FBXW10: variants seen among roughly 807,000 people sequenced by gnomAD.
FBXW10 encodes F-box and WD repeat domain containing 10.
A neutral mutation model predicts 113.1 loss-of-function variants in FBXW10; 68 were observed. The observed-to-expected ratio is 0.60, with a 90% CI of 0.49 to 0.74. FBXW10 has a LOEUF of 0.74. Among genes scored for constraint, FBXW10 ranks in the 30% least tolerant of loss-of-function variants. The pLI, the probability that FBXW10 is intolerant of heterozygous loss-of-function variation, is 0.00. For synonymous variants in FBXW10, 289 were observed against 481.6 expected (o/e 0.60, Z 5.24); for missense variants, 753 against 1,284.5 (o/e 0.59, Z 6.32).
intron 1 of FBXW10, among the ~76,000 whole-genome samples, chr17:18,747,054 A>T (rs1208323503): frequency 6.6e-6 from 1 of 151,418 alleles, no homozygotes; most frequent in Non-Finnish European, 1.5e-5. Flanking sequence ...CCTCCCGAGT[A>T]GCTGGGACTA....
intron 12 of FBXW10, 71 bp from the exon 13 acceptor site, chr17:18,775,065 A>C: frequency 1.0e-6 from 1 of 975,886 alleles, no homozygotes; most frequent in Non-Finnish European, 1.6e-6. Context: ...CCCCATTATT[A>C]TTGATTATAT....
chr17:18,777,431 G>A (rs1463099309), intron 13 of FBXW10, among the ~76,000 whole-genome samples: 3 of 151,948 alleles, frequency 2.0e-5, no homozygotes, highest in Non-Finnish European at 4.4e-5. Flanking sequence ...ATAAGGTAAA[G>A]ATCAAATTTT....
chr17:18,752,768 A>G (rs982048196), intron 5 of FBXW10, among the ~76,000 whole-genome samples: 5 of 151,940 alleles, frequency 3.3e-5, no homozygotes, highest in African/African-American at 1.2e-4. Flanking sequence ...GCAGTTTTTC[A>G]TTTCTGAGCT....
intron 7 of FBXW10, 43 bp downstream of exon 7, chr17:18,758,548 C>A (rs1180845807): frequency 6.2e-7 from 1 of 1,610,034 alleles, no homozygotes; most frequent in South Asian, 1.1e-5. Context: ...CCACCTAGGG[C>A]CTAGAGGCAG....
At chr17:18,769,086 C>T (rs1264582601) in intron 10 of FBXW10, among the ~76,000 whole-genome samples, 1 of 151,730 alleles carries the variant, frequency 6.6e-6, no homozygotes, top group Non-Finnish European at 1.5e-5. Context: ...CAGGCGCCCA[C>T]CACCACACCC....
At position 18,778,557 on chromosome 17, in the gene FBXW10, G is replaced by A. The variant is rs202063654; in HGVS notation, c.2418G>A (p.Trp806Ter). ...CCAGTCACCCAAAGAAAAAGTCTTG[G>A]AAAATCCCTATGTCACCTGACCAAT... ...KLPSHPKKKS[W>*]KIPMSPDQFL... is the part of the protein sequence containing the mutation. The change falls in exon 14 of 14, where the codon TGG becomes TGA. Residue 806 changes from tryptophan to a stop codon, truncating the protein, a stop_gained. Coordinates refer to ENST00000395665, the MANE Select transcript of FBXW10 (RefSeq NM_001267585.2). LOFTEE classifies it high-confidence loss of function. 6 of 1,613,854 alleles carry A rather than the reference G, an allele frequency of 3.7e-6. No individual in the cohort carries two copies. Among genetic ancestry groups the A allele is most frequent in the Non-Finnish European group, 5.1e-6 (6 of 1,179,782 alleles).
At chr17:18,752,080 A>G (rs1452499971) in intron 5 of FBXW10, among the ~76,000 whole-genome samples, 1 of 152,198 alleles carries the variant, frequency 6.6e-6, no homozygotes, top group Non-Finnish European at 1.5e-5. Context: ...TAAGGCAGCT[A>G]TGTTAAATTA....
Position 18,756,146 on chromosome 17 carries a change from C to T in FBXW10, c.1224C>T (p.Leu408=). ...VFCGTYNVRI[L]SDTWDQNRVI... ...GTGGGACCTACAATGTTCGCATTCT[C>T]TCTGACACGTAGGTACTGGGGTCAG... The change falls in exon 6 of 14, where the codon CTC becomes CTT. Residue 408 remains leucine, a synonymous_variant. Coordinates refer to ENST00000395665, the MANE Select transcript of FBXW10 (RefSeq NM_001267585.2). The T allele has an allele frequency of 1.2e-6, 2 of 1,613,688 alleles. No individual in the cohort carries two copies. Among genetic ancestry groups the T allele is most frequent in the Non-Finnish European group, 1.7e-6 (2 of 1,179,734 alleles).
rs562455960 is a variant in FBXW10 at position 18,756,157 on chromosome 17, A to T, written c.1232+3A>T. On this transcript the variant is annotated splice_donor_region_variant and intron_variant, in intron 6 of 13. Transcript: ENST00000395665. ...AATGTTCGCATTCTCTCTGACACGT[A>T]GGTACTGGGGTCAGAATCTGGGTCT... is the stretch of plus-strand genomic sequence containing the variant. The T allele has an allele frequency of 1.8e-5, 29 of 1,611,732 alleles. No homozygotes were observed. Among genetic ancestry groups the T allele is most frequent in the Non-Finnish European group, 3.4e-6 (4 of 1,178,252 alleles).
intron 13 of FBXW10, among the ~76,000 whole-genome samples, chr17:18,778,202 G>A (rs1170576703): frequency 6.6e-6 from 1 of 152,208 alleles, no homozygotes; most frequent in African/African-American, 2.4e-5. Flanking sequence ...GCAGTGAGCA[G>A]AGATCATGCC....
chr17:18,754,608 T>A (rs1456347883), intron 5 of FBXW10, among the ~76,000 whole-genome samples: 2 of 150,642 alleles, frequency 1.3e-5, no homozygotes, highest in African/African-American at 4.9e-5. Flanking sequence ...CTAATGGGAC[T>A]GTTATTTCTG....
Position 18,778,635 on chromosome 17 carries a change from C to T in FBXW10, c.2496C>T (p.Ala832=). 1 of 1,613,894 alleles carries T rather than the reference C, an allele frequency of 6.2e-7. No homozygotes were observed. ...LQHAHNSGEF[A]YPCRPQTEIT... is the part of the protein sequence containing the mutation. Reference sequence around the variant, plus strand: ...ACGCCCATAATTCCGGGGAATTTGCCTATCCCTGTAGGCCCCAAACAGAAA... The same window carrying T: ...ACGCCCATAATTCCGGGGAATTTGCTTATCCCTGTAGGCCCCAAACAGAAA... Residue 832 remains alanine, a synonymous_variant, in exon 14 of 14, where the codon GCC becomes GCT. Coordinates refer to ENST00000395665, the MANE Select transcript of FBXW10 (RefSeq NM_001267585.2).
At chr17:18,758,711 G>A (rs1249339301) in intron 7 of FBXW10, among the ~76,000 whole-genome samples, 2 of 143,362 alleles carry the variant, frequency 1.4e-5, no homozygotes, top group East Asian at 2.0e-4. Context: ...ATTTATAACA[G>A]TTATCAGATA....
At chr17:18,764,939 A>T in intron 8 of FBXW10, 76 bp downstream of exon 8, 2 of 1,612,582 alleles carry the variant, frequency 1.2e-6, no homozygotes, top group Non-Finnish European at 1.7e-6. Flanking sequence ...TGTTTTGCTC[A>T]TTTCTATAGG....
At position 18,778,975 on chromosome 17, in the gene FBXW10, C is replaced by G. The variant is rs538699140; in HGVS notation, c.2836C>G (p.Gln946Glu). Residue 946 changes from glutamine to glutamate, a missense_variant, in exon 14 of 14, where the codon CAG (glutamine) becomes GAG (glutamate). Transcript: ENST00000395665. The part of the protein sequence containing the change: ...VCSTGPLTSM[Q>E]VIKPNRMLAP... The stretch of plus-strand genomic sequence containing the variant: ...CAGTACGGGTCCCCTGACCAGTATG[C>G]AGGTCATTAAACCAAACCGCATGCT... 1 of 1,605,496 alleles carries G rather than the reference C, an allele frequency of 6.2e-7. No homozygotes were observed. Among genetic ancestry groups the G allele is most frequent in the Non-Finnish European group, 8.5e-7 (1 of 1,175,216 alleles).
At chr17:18,774,720 A>G (rs559661927) in intron 12 of FBXW10, among the ~76,000 whole-genome samples, 1 of 152,238 alleles carries the variant, frequency 6.6e-6, no homozygotes, top group African/African-American at 2.4e-5. Context: ...ACGTGAACCC[A>G]GGAGGTGGAG....
chr17:18,771,831 A>T (rs1159806175), intron 11 of FBXW10, among the ~76,000 whole-genome samples: 1 of 152,196 alleles, frequency 6.6e-6, no homozygotes, highest in Non-Finnish European at 1.5e-5. Flanking sequence ...ACTTGAGGCC[A>T]GGCGCAGTGG....
At position 18,766,838 on chromosome 17, in the gene FBXW10, C is replaced by T. The variant is rs768795815; in HGVS notation, c.1680C>T (p.His560=). ...AGCGAGGGCTGGTGAAAGTGTGGCA[C>T]ATTGCCATGGCCCAGTTGGTAAAGG... The part of the protein sequence containing the change: ...SCERGLVKVW[H]IAMAQLVKTL... The change falls in exon 9 of 14, where the codon CAC becomes CAT. Residue 560 remains histidine (H), a synonymous_variant. Transcript: ENST00000395665. 3.1e-6 allele frequency: 5 copies of T among 1,607,682 alleles called. No homozygotes were observed. In the African/African-American group the frequency reaches 4.0e-5, roughly 13 times the overall value.
chr17:18,747,516 A>G (rs1267727325), intron 1 of FBXW10, among the ~76,000 whole-genome samples: 1 of 152,158 alleles, frequency 6.6e-6, no homozygotes, highest in Non-Finnish European at 1.5e-5. Flanking sequence ...AGACCGAGCC[A>G]TTGCACTCCA....
Sources: gnomAD v4.1 joint callset for allele counts (sites outside exome capture counted in the v4.1 genomes callset) on GRCh38, gnomAD v4.1.1 for gene constraint, MANE v1.5 for transcripts, NCBI Gene and HGNC (gene_info 2026-07-23, HGNC 2026-07-21) for gene names.